Variants in DOCK8 observed in about 807,000 individuals in gnomAD.
The protein encoded by DOCK8 is dedicator of cytokinesis 8, also known as dedicator of cytokinesis protein 8.
Under a neutral mutation model 245.6 loss-of-function variants are expected in DOCK8, and 141 were observed. The ratio of observed to expected loss-of-function variants is 0.57; its 90% CI spans 0.50 to 0.66. The LOEUF is 0.66. Among genes scored for constraint, DOCK8 ranks in the 30% least tolerant of loss-of-function variants. The pLI, the probability that DOCK8 is intolerant of heterozygous loss-of-function variation, is 0.00. For synonymous variants in DOCK8, 1,168 were observed against 970.2 expected (o/e 1.20, Z -3.79); for missense variants, 2,965 against 2,603.4 (o/e 1.14, Z -3.02).
At chr9:374,236 G>A (rs889762200) in intron 18 of DOCK8, among the ~76,000 whole-genome samples, 2 of 152,124 alleles carry the variant, frequency 1.3e-5, no homozygotes, top group African/African-American at 4.8e-5. Flanking sequence ...TGCACTGTCT[G>A]ATAAGATAGC....
intron 1 of DOCK8, among the ~76,000 whole-genome samples, chr9:255,680 A>C (rs2047755118): frequency 6.6e-6 from 1 of 151,502 alleles, no homozygotes; most frequent in African/African-American, 2.4e-5. Context: ...AAAAAAAAAA[A>C]AAAAAAAAAA....
chr9:406,992 C>T lies in DOCK8; in HGVS notation c.3453C>T (p.Ser1151=), dbSNP rs373733736. Residue 1151 remains serine, a synonymous_variant, in exon 28 of 48, where the codon TCC becomes TCT. Coordinates refer to ENST00000432829, the MANE Select transcript of DOCK8 (RefSeq NM_203447.4). ...TCGCCAGCATGTTCGATCTGACTTC[C>T]GAGTACCGCCAGCAGCACTTCCTCA... ...QKIASMFDLT[S]EYRQQHFLTG... 206 of 1,614,144 alleles carry T rather than the reference C, an allele frequency of 1.3e-4. No homozygotes were observed. The highest frequency in any genetic ancestry group is 1.5e-4 in the Non-Finnish European group (181 of 1,180,030).
intron 26 of DOCK8, among the ~76,000 whole-genome samples, chr9:400,009 A>G (rs1260901988): frequency 9.9e-6 from 1 of 101,172 alleles, no homozygotes; most frequent in Non-Finnish European, 2.2e-5. Flanking sequence ...CACCACCTCC[A>G]CCATCACCAC....
At chr9:350,968 T>C (rs2052139189) in intron 14 of DOCK8, among the ~76,000 whole-genome samples, 1 of 152,162 alleles carries the variant, frequency 6.6e-6, no homozygotes, top group Admixed American at 6.5e-5. Flanking sequence ...GTGTTGGAGC[T>C]CACTCAGGAA....
At chr9:385,611 A>G (rs2053920244) in intron 22 of DOCK8, among the ~76,000 whole-genome samples, 1 of 152,200 alleles carries the variant, frequency 6.6e-6, no homozygotes, top group Non-Finnish European at 1.5e-5. Context: ...GTAGATTGAA[A>G]TCAGTTATGA....
Position 334,136 on chromosome 9 carries a change from A to T in DOCK8, c.1126-89A>T, listed in dbSNP as rs111725418. On this transcript the variant is annotated intron_variant, in intron 10 of 47. Transcript: ENST00000432829. ...ACTCTTTTTAATCAGTAGGGTTTGG[A>T]TTTTGGAGATGGCTGTCATATTCAG... 802 of 1,460,896 alleles carry T rather than the reference A, an allele frequency of 5.5e-4. 6 individuals are homozygous for T. In the African/African-American group the frequency reaches 0.01, roughly 18 times the overall value. The allele number at this position is 1,460,896 out of a possible 1,614,324, so 90.5% of individuals were successfully genotyped here. A position where few individuals can be genotyped will look rare whatever the true frequency, so the allele number is the denominator to read the frequency against.
At position 261,997 on chromosome 9, in the gene DOCK8, G is replaced by GCGAAAGAA. The variant is rs1554648146; in HGVS notation, c.54-9630_54-9629insCGAAAGAA. Among the ~76,000 whole-genome samples, 400 of 146,850 alleles carry GCGAAAGAA rather than the reference G, an allele frequency of 2.7e-3. 1 individual carries two copies. The highest frequency in any genetic ancestry group is 9.8e-3 in the African/African-American group (390 of 39,768). ...TTTAAAATGTGTCAAAAGAAAGAAGGAGAAAGAAAGAAAGAAAGAAAGAAA... is the reference window on the plus strand; with the variant it reads ...TTTAAAATGTGTCAAAAGAAAGAAGGCGAAAGAAAGAAAGAAAGAAAGAAAGAAAGAAA... On this transcript the variant is annotated intron_variant, in intron 1 of 47. Transcript: ENST00000432829.
intron 2 of DOCK8, among the ~76,000 whole-genome samples, chr9:279,280 A>G (rs919356245): frequency 6.6e-6 from 1 of 152,222 alleles, no homozygotes; most frequent in Non-Finnish European, 1.5e-5. Flanking sequence ...GAGGTCTGTT[A>G]AATTATCAAG....
At chr9:259,971 G>A (rs991652925) in intron 1 of DOCK8, among the ~76,000 whole-genome samples, 2 of 152,228 alleles carry the variant, frequency 1.3e-5, no homozygotes, top group Non-Finnish European at 2.9e-5. Context: ...AGGCTATGTG[G>A]CTTTGTTCCC....
intron 1 of DOCK8, among the ~76,000 whole-genome samples, chr9:241,868 C>T (rs7853222): frequency 5.3e-4 from 80 of 152,208 alleles, no homozygotes; most frequent in African/African-American, 1.8e-3. Flanking sequence ...CCCACTTCAG[C>T]CTCCTGAGTA....
chr9:286,651 A>G lies in DOCK8; in HGVS notation c.332+15A>G. 5.6e-6 allele frequency: 9 copies of G among 1,613,292 alleles called. No homozygotes were observed. Among genetic ancestry groups the G allele is most frequent in the Non-Finnish European group, 6.8e-6 (8 of 1,179,340 alleles). On this transcript the variant is annotated intron_variant, in intron 3 of 47. Transcript: ENST00000432829. ...CCGGAGGAAGGGTAAATAGTTTTCT[A>G]AAATGTAGATGTGATTGGGATTGTC...
chr9:235,631 C>G (rs550221591), intron 1 of DOCK8, among the ~76,000 whole-genome samples: 1 of 152,192 alleles, frequency 6.6e-6, no homozygotes, highest in Non-Finnish European at 1.5e-5. Context: ...GCCTCGCTGC[C>G]GCCTTGCAGT....
intron 1 of DOCK8, among the ~76,000 whole-genome samples, chr9:263,881 C>G (rs962951590): frequency 6.6e-6 from 1 of 152,146 alleles, no homozygotes; most frequent in Non-Finnish European, 1.5e-5. Flanking sequence ...AAAGATTTTT[C>G]TCTTTGACTT....
rs2055341603 is a variant in DOCK8 at position 404,898 on chromosome 9, C to G, written c.3235-20C>G. On this transcript the variant is annotated intron_variant, in intron 26 of 47. Transcript: ENST00000432829. ...ACCTTGTAATAAATGTTTCATTCCT[C>G]TTTTCATTTTTCTTCCCAGCTGTCA... is the stretch of plus-strand genomic sequence containing the variant. The G allele has an allele frequency of 1.4e-5, 22 of 1,613,560 alleles. No individual in the cohort carries two copies. The highest frequency in any genetic ancestry group is 1.8e-5 in the Non-Finnish European group (21 of 1,179,918).
At chr9:406,411 C>T (rs1054614147) in intron 27 of DOCK8, among the ~76,000 whole-genome samples, 10 of 149,638 alleles carry the variant, frequency 6.7e-5, no homozygotes, top group African/African-American at 1.7e-4. Context: ...TGCTTGAACC[C>T]GGGAGAGGGA....
intron 28 of DOCK8, among the ~76,000 whole-genome samples, chr9:410,705 G>A (rs1009485781): frequency 2.0e-5 from 3 of 152,136 alleles, no homozygotes; most frequent in African/African-American, 4.8e-5. Context: ...GAAGATGGCA[G>A]GGAATAACAA....
chr9:440,072 G>T (rs192462254), intron 40 of DOCK8, among the ~76,000 whole-genome samples: 2 of 152,288 alleles, frequency 1.3e-5, no homozygotes, highest in East Asian at 3.9e-4. Flanking sequence ...AGGCTGGAAT[G>T]CAGTGGTGCA....
chr9:382,909 C>T (rs2053782457), intron 22 of DOCK8, among the ~76,000 whole-genome samples: 1 of 152,166 alleles, frequency 6.6e-6, no homozygotes, highest in South Asian at 2.1e-4. Flanking sequence ...AACTACTTAG[C>T]TTGGGTAGCA....
rs2056806154 is a variant in DOCK8 at position 433,933 on chromosome 9, A to G, written c.4844A>G (p.Glu1615Gly). ...TTATATGACACAGTGAAAATGAGGG[A>G]ATTTCAGGAAGATCCTGAGATGCTT... Reference protein sequence around the residue: ...SILYDTVKMREFQEDPEMLMD... With the variant: ...SILYDTVKMRGFQEDPEMLMD... The change falls in exon 38 of 48, where the codon GAA becomes GGA. Residue 1615 changes from glutamate (E) to glycine (G), a missense_variant. Transcript: ENST00000432829. 1 of 1,614,150 alleles carries G rather than the reference A, an allele frequency of 6.2e-7. No homozygotes were observed. The highest frequency in any genetic ancestry group is 8.5e-7 in the Non-Finnish European group (1 of 1,179,996).
Sources: allele counts gnomAD v4.1 joint callset (sites outside exome capture counted in the v4.1 genomes callset), GRCh38; gene constraint gnomAD v4.1.1; transcripts MANE v1.5; gene names NCBI Gene and HGNC (gene_info 2026-07-23, HGNC 2026-07-21).